The following AOPEP variants were observed in gnomAD, a reference collection of about 807,000 sequenced individuals.
The protein encoded by AOPEP is aminopeptidase O.
In AOPEP, 77 loss-of-function variants were observed where a neutral mutation model predicts 98.1. The observed-to-expected ratio is 0.78, with a 90% CI of 0.65 to 0.95. AOPEP has a LOEUF of 0.95. Ranked by LOEUF, AOPEP falls within the 40% of genes least tolerant of loss-of-function variation. AOPEP has a pLI of 0.00. For missense variants in AOPEP, 1,024 were observed against 1,024.7 expected (o/e 1.00, Z 0.01); for synonymous variants, 346 against 365.3 (o/e 0.95, Z 0.60).
intron 9 of AOPEP, 63 bp from the exon 10 acceptor site, chr9:94,967,695 A>T: frequency 2.8e-6 from 4 of 1,415,548 alleles, no homozygotes; most frequent in Non-Finnish European, 4.0e-6. Context: ...AGCCTCTGGC[A>T]TGGTTCCAGG....
chr9:94,744,072 G>T (rs1833870297), intron 1 of AOPEP, among the ~76,000 whole-genome samples: 1 of 152,106 alleles, frequency 6.6e-6, no homozygotes, highest in Non-Finnish European at 1.5e-5. Flanking sequence ...GAATGGAGTG[G>T]GGTTACTTAA....
chr9:94,948,585 C>T (rs986598241), intron 7 of AOPEP, among the ~76,000 whole-genome samples: 2 of 152,062 alleles, frequency 1.3e-5, no homozygotes, highest in African/African-American at 2.4e-5. Context: ...TGATCCTCCC[C>T]GCAGAGATCT....
At chr9:95,038,548 TAAAGAC>T (rs888445265) in intron 13 of AOPEP, among the ~76,000 whole-genome samples, 10 of 152,300 alleles carry the variant, frequency 6.6e-5, no homozygotes, top group African/African-American at 2.4e-4. Context: ...ACCTAGGAAA[TAAAGAC>T]AAAGCAGCTA....
intron 5 of AOPEP, among the ~76,000 whole-genome samples, chr9:94,870,226 G>A (rs1160148875): frequency 1.3e-5 from 2 of 152,124 alleles, no homozygotes; most frequent in African/African-American, 4.8e-5. Flanking sequence ...CTGACCTCAG[G>A]TGATCTGCCC....
chr9:94,990,051 C>T (rs2060795139), intron 11 of AOPEP, among the ~76,000 whole-genome samples: 1 of 152,196 alleles, frequency 6.6e-6, no homozygotes, highest in South Asian at 2.1e-4. Flanking sequence ...ATCTGCAAAC[C>T]AACCTTTGCC....
chr9:94,755,125 T>C (rs1354482266), intron 1 of AOPEP, among the ~76,000 whole-genome samples: 2 of 152,138 alleles, frequency 1.3e-5, no homozygotes, highest in Non-Finnish European at 2.9e-5. Context: ...GACACAGCAA[T>C]GGTTAGCCAC....
chr9:95,102,820 C>T, the AOPEP span, among the ~76,000 whole-genome samples: 9 of 152,338 alleles, frequency 5.9e-5, no homozygotes, highest in African/African-American at 2.2e-4. Context: ...CGTGGGGACG[C>T]AGAGCTAAGA....
rs757810056 is a variant in AOPEP, at chr9:95,082,553, C to T, written c.2320-22C>T. Reference sequence around the variant, plus strand: ...GGTACCCACACCTTCGCCTGATGCCCTTTGGCCTCTGTGCCCTGCAGGCCA... The same window carrying T: ...GGTACCCACACCTTCGCCTGATGCCTTTTGGCCTCTGTGCCCTGCAGGCCA... On this transcript the variant is annotated intron_variant, in intron 15 of 16. Transcript: ENST00000375315. 4 of 1,613,294 alleles carry T rather than the reference C, an allele frequency of 2.5e-6. No homozygotes were observed. In the African/African-American group the frequency reaches 4.0e-5, roughly 16 times the overall value.
At chr9:95,130,134 G>C in the AOPEP span, among the ~76,000 whole-genome samples, 1 of 152,306 alleles carries the variant, frequency 6.6e-6, no homozygotes, top group Admixed American at 6.5e-5. Context: ...ACAGGCTCTT[G>C]TGCCCGGTCC....
chr9:94,781,573 T>G (rs534157212), intron 3 of AOPEP, among the ~76,000 whole-genome samples: 1 of 151,686 alleles, frequency 6.6e-6, no homozygotes, highest in Non-Finnish European at 1.5e-5. Flanking sequence ...ATTAATTAAT[T>G]TTTTTGAGAC....
intron 16 of AOPEP, chr9:95,086,158 C>T (rs922582060): frequency 7.5e-6 from 10 of 1,341,886 alleles, no homozygotes; most frequent in Admixed American, 6.1e-5. Context: ...GGCTCCCACT[C>T]GCGGCAGACA....
intron 1 of AOPEP, among the ~76,000 whole-genome samples, chr9:94,758,070 T>C (rs1483969666): frequency 6.6e-6 from 1 of 152,234 alleles, no homozygotes. Context: ...GAAAGTGTGC[T>C]ACATATAGTT....
At chr9:94,896,916 T>G (rs1161381857) in intron 5 of AOPEP, among the ~76,000 whole-genome samples, 1 of 151,548 alleles carries the variant, frequency 6.6e-6, no homozygotes, top group Admixed American at 6.6e-5. Context: ...GTGGGTTTTT[T>G]TTTTTTTTTT....
At chr9:95,053,417 T>A (rs1309338194) in intron 13 of AOPEP, among the ~76,000 whole-genome samples, 1 of 152,216 alleles carries the variant, frequency 6.6e-6, no homozygotes, top group East Asian at 1.9e-4. Flanking sequence ...ACAAAAATAA[T>A]TCCATCTCAT....
chr9:94,743,590 G>GT (rs918418282), intron 1 of AOPEP, among the ~76,000 whole-genome samples: 1 of 152,282 alleles, frequency 6.6e-6, no homozygotes, highest in East Asian at 1.9e-4. Context: ...TTTTGTTATT[G>GT]TTTTTTCCAA....
intron 2 of AOPEP, among the ~76,000 whole-genome samples, chr9:94,769,208 G>GT (rs1235487671): frequency 1.3e-5 from 2 of 152,204 alleles, no homozygotes; most frequent in African/African-American, 2.4e-5. Context: ...GATTCCACCA[G>GT]TAGAGCTTTA....
intron 13 of AOPEP, among the ~76,000 whole-genome samples, chr9:95,023,064 C>G (rs1030287382): frequency 1.9e-4 from 29 of 152,312 alleles, no homozygotes; most frequent in Middle Eastern, 6.8e-3. Context: ...ACTCGCTTCT[C>G]TAAGTCTCAG....
intron 3 of AOPEP, among the ~76,000 whole-genome samples, chr9:94,785,302 G>T (rs1844182801): frequency 6.6e-6 from 1 of 152,208 alleles, no homozygotes; most frequent in Non-Finnish European, 1.5e-5. Flanking sequence ...TGTTATAGCT[G>T]CAAAAAGCAC....
chr9:94,817,752 G>T (rs1052633134), intron 5 of AOPEP, among the ~76,000 whole-genome samples: 1 of 152,204 alleles, frequency 6.6e-6, no homozygotes, highest in African/African-American at 2.4e-5. Context: ...CCTAGATTTG[G>T]CATTCCGGAG....
Sources: gnomAD v4.1 joint callset for allele counts (sites outside exome capture counted in the v4.1 genomes callset) on GRCh38, gnomAD v4.1.1 for gene constraint, MANE v1.5 for transcripts, NCBI Gene and HGNC (gene_info 2026-07-23, HGNC 2026-07-21) for gene names.